Variants in PDXDC1 observed in about 807,000 individuals in gnomAD.
The protein encoded by PDXDC1 is pyridoxal dependent decarboxylase domain containing 1, also known as pyridoxal-dependent decarboxylase domain-containing protein 1.
In PDXDC1, 42 loss-of-function variants were observed where a neutral mutation model predicts 100.1. The ratio of observed to expected loss-of-function variants is 0.42; its 90% CI spans 0.33 to 0.54. The LOEUF (loss-of-function observed/expected upper bound fraction) is 0.54, where lower values mean the gene tolerates loss of function less well. PDXDC1 is among the 20% of genes least tolerant of loss of function. The pLI, the probability that PDXDC1 is intolerant of heterozygous loss-of-function variation, is 0.10. For synonymous variants in PDXDC1, 260 were observed against 371.7 expected (o/e 0.70, Z 3.46); for missense variants, 636 against 979.2 (o/e 0.65, Z 4.68).
chr16:15,031,627 A>T, intron 16 of PDXDC1, 108 bp from the exon 17 acceptor site: 1 of 870,234 alleles, frequency 1.1e-6, no homozygotes, highest in Admixed American at 2.4e-5. Context: ...GCTCCCGGTA[A>T]CTGGAGTACC....
At chr16:15,093,272 G>A (rs1304802347) in intron 16 of PDXDC1, among the ~76,000 whole-genome samples, 1 of 152,176 alleles carries the variant, frequency 6.6e-6, no homozygotes, top group Non-Finnish European at 1.5e-5. Flanking sequence ...CCAAAGTGCT[G>A]GGATTACAGG....
At chr16:15,072,447 A>AT (rs2045276852) in intron 16 of PDXDC1, among the ~76,000 whole-genome samples, 1 of 152,150 alleles carries the variant, frequency 6.6e-6, no homozygotes, top group African/African-American at 2.4e-5. Flanking sequence ...GCAGGATGAC[A>AT]TTTTCGGAGC....
At chr16:15,128,623 G>A (rs1166758599) in intron 16 of PDXDC1, among the ~76,000 whole-genome samples, 1 of 151,904 alleles carries the variant, frequency 6.6e-6, no homozygotes, top group Non-Finnish European at 1.5e-5. Context: ...CTTGTGACAT[G>A]CAAACATGGC....
In PDXDC1 at chr16:15,073,415, C is replaced by T. The variant is rs138288736; in HGVS notation, c.1399+43359C>T. Among the ~76,000 whole-genome samples, 275 of 152,176 alleles carry T rather than the reference C, an allele frequency of 1.8e-3. 2 individuals are homozygous for T. The highest frequency in any genetic ancestry group is 5.4e-3 in the Admixed American group (82 of 15,284). ...AAGGCTGCAGTAAGCCATGTTTGTG[C>T]GACTGCATTCCAGCCTGGGTTAGAG... On this transcript the variant is annotated intron_variant, in intron 16 of 16. Coordinates refer to the PDXDC1 transcript ENST00000535621.
Position 15,128,322 on chromosome 16 carries a change from A to G in PDXDC1, c.1400-10557A>G, listed in dbSNP as rs142453904. 1,579 of 1,609,456 alleles carry G rather than the reference A, an allele frequency of 9.8e-4. 13 individuals carry two copies. The African/African-American group carries it at 0.015, about 16-fold the overall frequency. On this transcript the variant is annotated intron_variant, in intron 16 of 16. Transcript: ENST00000535621. The stretch of plus-strand genomic sequence containing the variant: ...TGTTGCGGTGGAAGGCTCTGTCGCC[A>G]TCCAGGTGCCGGTGGCCGCTCCGGC...
At chr16:15,104,373 G>C (rs745562958) in intron 16 of PDXDC1, 1 of 1,596,490 alleles carries the variant, frequency 6.3e-7, no homozygotes, top group Non-Finnish European at 8.5e-7. Flanking sequence ...ATCATCCACT[G>C]AGGGTGGAAG....
In PDXDC1 at chr16:15,130,250, G is replaced by A. The variant is rs1395340527; in HGVS notation, c.1400-8629G>A. 1.8e-5 allele frequency: 28 copies of A among 1,548,064 alleles called. 1 individual carries two copies. The highest frequency in any genetic ancestry group is 9.8e-5 in the Admixed American group (5 of 50,996). On this transcript the variant is annotated intron_variant, in intron 16 of 16. Coordinates refer to the PDXDC1 transcript ENST00000535621. The stretch of plus-strand genomic sequence containing the variant: ...TTGGGGGCACGAAGAGGCTGGCGCC[G>A]AAGGCGGTGAGGTGGCGGGTGAGGC...
intron 16 of PDXDC1, chr16:15,074,950 T>A: frequency 7.7e-7 from 1 of 1,302,222 alleles, no homozygotes; most frequent in Non-Finnish European, 1.0e-6. Context: ...TTATTTCCCT[T>A]AAAAGATAAA....
intron 8 of PDXDC1, among the ~76,000 whole-genome samples, chr16:15,015,234 C>T (rs950671315): frequency 2.6e-5 from 4 of 152,374 alleles, no homozygotes; most frequent in African/African-American, 7.2e-5. Context: ...AGCCACTGTG[C>T]CCAGCCCACC....
At chr16:15,020,008 A>T (rs1166689996) in intron 12 of PDXDC1, among the ~76,000 whole-genome samples, 1 of 148,412 alleles carries the variant, frequency 6.7e-6, no homozygotes, top group African/African-American at 2.5e-5. Context: ...GCTGCTCAGG[A>T]GGCTGAGGCC....
the PDXDC1 span, among the ~76,000 whole-genome samples, chr16:15,144,954 T>C: frequency 2.0e-5 from 3 of 152,286 alleles, no homozygotes; most frequent in Non-Finnish European, 4.4e-5. Flanking sequence ...CTGGTGCCCC[T>C]GCACACAGCT....
chr16:15,057,372 C>T (rs2044563717), intron 16 of PDXDC1, among the ~76,000 whole-genome samples: 1 of 152,192 alleles, frequency 6.6e-6, no homozygotes, highest in Non-Finnish European at 1.5e-5. Context: ...CCTCATTTGT[C>T]ATTTGTCCTC....
chr16:15,004,345 A>G lies in PDXDC1; in HGVS notation c.389+12A>G. Reference sequence around the variant, plus strand: ...TGCAGAATTTTCAGGTAAAGACATGATGAGTTTCCAGTGAAGACTTTTATG... The same window carrying G: ...TGCAGAATTTTCAGGTAAAGACATGGTGAGTTTCCAGTGAAGACTTTTATG... On this transcript the variant is annotated intron_variant, in intron 5 of 22. Coordinates refer to ENST00000396410, the MANE Select transcript of PDXDC1 (RefSeq NM_015027.4). 6.2e-7 allele frequency: 1 copy of G among 1,613,664 alleles called. No homozygotes were observed. Among genetic ancestry groups the G allele is most frequent in the Non-Finnish European group, 8.5e-7 (1 of 1,179,790 alleles).
chr16:15,145,926 CGT>C, the PDXDC1 span, among the ~76,000 whole-genome samples: 3 of 152,212 alleles, frequency 2.0e-5, no homozygotes, highest in Non-Finnish European at 2.9e-5. Flanking sequence ...GAAAAGAACA[CGT>C]GTGTCTCCCT....
chr16:15,054,876 T>C (rs2044440391), intron 16 of PDXDC1, among the ~76,000 whole-genome samples: 1 of 152,202 alleles, frequency 6.6e-6, no homozygotes, highest in Admixed American at 6.5e-5. Flanking sequence ...TGTACAGCTG[T>C]GACAGATGAA....
chr16:15,066,452 A>AT (rs2044977394), intron 16 of PDXDC1, among the ~76,000 whole-genome samples: 2 of 151,890 alleles, frequency 1.3e-5, no homozygotes, highest in Non-Finnish European at 2.9e-5. Flanking sequence ...GGTCAACATG[A>AT]TGAAACCCCA....
intron 16 of PDXDC1, among the ~76,000 whole-genome samples, chr16:15,117,705 G>GA (rs1283184325): frequency 0.025 from 690 of 27,556 alleles, 8 homozygotes; most frequent in African/African-American, 0.038. Flanking sequence ...GGTGAGAAAA[G>GA]AAAAAAAAAA....
chr16:15,124,925 G>A (rs1316474322), intron 16 of PDXDC1, among the ~76,000 whole-genome samples: 1 of 151,562 alleles, frequency 6.6e-6, no homozygotes, highest in Non-Finnish European at 1.5e-5. Flanking sequence ...GAGGCAGGCG[G>A]ATCACGAGGT....
intron 4 of PDXDC1, among the ~76,000 whole-genome samples, chr16:15,003,216 C>CTT (rs1217823601): frequency 2.7e-3 from 359 of 134,242 alleles, no homozygotes; most frequent in African/African-American, 5.1e-3. Flanking sequence ...AGATTTAATT[C>CTT]TTTTTTTTTT....
Sources: allele counts gnomAD v4.1 joint callset (sites outside exome capture counted in the v4.1 genomes callset), GRCh38; gene constraint gnomAD v4.1.1; transcripts MANE v1.5; gene names NCBI Gene and HGNC (gene_info 2026-07-23, HGNC 2026-07-21).